Variants in KAT2B observed in about 807,000 individuals in gnomAD.
The protein encoded by KAT2B is lysine acetyltransferase 2B, also known as histone acetyltransferase KAT2B.
A neutral mutation model predicts 105.9 loss-of-function variants in KAT2B; 36 were observed. That is an observed-to-expected ratio of 0.34 (90% CI 0.26 to 0.45). The LOEUF (loss-of-function observed/expected upper bound fraction) is 0.45, where lower values mean the gene tolerates loss of function less well. Among genes scored for constraint, KAT2B ranks in the 20% least tolerant of loss-of-function variants. The probability of loss-of-function intolerance (pLI) is 1.00; values close to 1 mark genes in which losing one functional copy is unlikely to be tolerated. For synonymous variants in KAT2B, 397 were observed against 377.9 expected, an observed-to-expected ratio of 1.05 and a Z score of -0.59; for missense variants, 820 against 1,021.6, an observed-to-expected ratio of 0.80 and a Z score of 2.69.
intron 1 of KAT2B, among the ~76,000 whole-genome samples, chr3:20,065,748 C>CATAT (rs151252906): frequency 6.6e-6 from 1 of 152,088 alleles, no homozygotes; most frequent in South Asian, 2.1e-4. Flanking sequence ...AAGGGATTCT[C>CATAT]ATATATATCA....
At chr3:20,107,428 C>T (rs1475817950) in intron 5 of KAT2B, among the ~76,000 whole-genome samples, 11 of 151,498 alleles carry the variant, frequency 7.3e-5, no homozygotes, top group Admixed American at 5.3e-4. Context: ...GAGGCCAAGG[C>T]GGATGGATCA....
chr3:20,074,810 G>A (rs1461035427), intron 2 of KAT2B, among the ~76,000 whole-genome samples: 1 of 152,138 alleles, frequency 6.6e-6, no homozygotes, highest in African/African-American at 2.4e-5. Flanking sequence ...ATTGGTTCAG[G>A]ATTTAAATAC....
chr3:20,046,950 A>G (rs890917305), intron 1 of KAT2B, among the ~76,000 whole-genome samples: 14 of 151,714 alleles, frequency 9.2e-5, no homozygotes, highest in East Asian at 1.9e-4. Flanking sequence ...GCACAGGACA[A>G]CTCCCCCCAA....
chr3:20,150,608 G>A (rs1254272192), intron 17 of KAT2B, among the ~76,000 whole-genome samples: 1 of 152,170 alleles, frequency 6.6e-6, no homozygotes, highest in Non-Finnish European at 1.5e-5. Flanking sequence ...CCAATATTTA[G>A]TCACCTTTTT....
intron 1 of KAT2B, among the ~76,000 whole-genome samples, chr3:20,055,299 T>C (rs768291648): frequency 1.3e-5 from 2 of 152,192 alleles, no homozygotes; most frequent in Non-Finnish European, 2.9e-5. Context: ...TGTTATTTAA[T>C]GTGCCAGGTG....
At chr3:20,047,584 A>C (rs1400665811) in intron 1 of KAT2B, among the ~76,000 whole-genome samples, 2 of 148,482 alleles carry the variant, frequency 1.3e-5, no homozygotes, top group African/African-American at 4.9e-5. Context: ...CATCCCCGAA[A>C]GTTTCCTCTT....
intron 11 of KAT2B, among the ~76,000 whole-genome samples, chr3:20,130,792 A>G (rs1484734214): frequency 2.0e-5 from 3 of 152,182 alleles, no homozygotes; most frequent in Non-Finnish European, 4.4e-5. Flanking sequence ...TTGAAACTGT[A>G]GTTTTAGAAA....
In KAT2B at chr3:20,116,715, T is replaced by C. The variant is rs546484996; in HGVS notation, c.1150+1727T>C. Among the ~76,000 whole-genome samples, 46 of 152,278 alleles carry C rather than the reference T, an allele frequency of 3.0e-4. 1 individual carries two copies. Among genetic ancestry groups the C allele is most frequent in the African/African-American group, 1.1e-3 (45 of 41,570 alleles). ...TTGTCACAATAATTGATACATTTAT[T>C]AAGTGCTCAGCTAAGATGCTTCCTT... On this transcript the variant is annotated intron_variant, in intron 7 of 17. Transcript: ENST00000263754.
intron 2 of KAT2B, among the ~76,000 whole-genome samples, chr3:20,082,938 A>C (rs1698545716): frequency 6.6e-6 from 1 of 152,170 alleles, no homozygotes; most frequent in Non-Finnish European, 1.5e-5. Context: ...ACAAACAGCC[A>C]GTAGTATGAA....
At chr3:20,068,712 G>A (rs757123069) in intron 1 of KAT2B, among the ~76,000 whole-genome samples, 16 of 152,118 alleles carry the variant, frequency 1.1e-4, no homozygotes, top group Non-Finnish European at 1.9e-4. Flanking sequence ...AAATATTGTT[G>A]AAAGAATGAG....
intron 2 of KAT2B, among the ~76,000 whole-genome samples, chr3:20,078,371 T>C (rs867014909): frequency 6.6e-6 from 1 of 152,108 alleles, no homozygotes; most frequent in Non-Finnish European, 1.5e-5. Flanking sequence ...TAGAGGTTTT[T>C]TGATTATTTT....
chr3:20,128,819 C>T (rs539480827), intron 11 of KAT2B, among the ~76,000 whole-genome samples: 16 of 151,894 alleles, frequency 1.1e-4, no homozygotes, highest in Non-Finnish European at 1.9e-4. Flanking sequence ...ACCAGCCTGA[C>T]CAATGTGGTA....
At chr3:20,149,768 C>A (rs994975215) in intron 17 of KAT2B, among the ~76,000 whole-genome samples, 7 of 152,120 alleles carry the variant, frequency 4.6e-5, no homozygotes, top group African/African-American at 1.4e-4. Context: ...GTATGGTTGA[C>A]TCAGTCTAGA....
At chr3:20,061,119 T>C (rs1306021509) in intron 1 of KAT2B, among the ~76,000 whole-genome samples, 1 of 152,228 alleles carries the variant, frequency 6.6e-6, no homozygotes, top group Non-Finnish European at 1.5e-5. Context: ...TGAAACTCTG[T>C]GTTCATTAAA....
chr3:20,100,744 GT>G (rs1240591399), intron 4 of KAT2B, among the ~76,000 whole-genome samples: 2 of 152,118 alleles, frequency 1.3e-5, no homozygotes, highest in East Asian at 1.9e-4. Flanking sequence ...TAAATTAACA[GT>G]TTTTTTAAAA....
intron 1 of KAT2B, among the ~76,000 whole-genome samples, chr3:20,054,071 T>G (rs1297437683): frequency 6.6e-6 from 1 of 152,210 alleles, no homozygotes; most frequent in African/African-American, 2.4e-5. Context: ...GTGCTGGGAT[T>G]ACAGGCATGA....
intron 1 of KAT2B, among the ~76,000 whole-genome samples, chr3:20,041,501 T>G (rs947079128): frequency 3.3e-4 from 51 of 152,324 alleles, no homozygotes; most frequent in African/African-American, 1.2e-3. Context: ...CTGCTCAGTT[T>G]GAGGACACCC....
At chr3:20,119,332 G>A (rs1400516540) in intron 7 of KAT2B, among the ~76,000 whole-genome samples, 2 of 142,972 alleles carry the variant, frequency 1.4e-5, no homozygotes, top group Non-Finnish European at 1.5e-5. Context: ...TTTCTTTGTT[G>A]GTGTTCTTGA....
chr3:20,106,979 GTATATATATATATA>G lies in KAT2B; in HGVS notation c.852-4593_852-4580del, dbSNP rs869172127. 8.8e-3 allele frequency among the ~76,000 whole-genome samples: 296 copies of G among 33,502 alleles called. 10 individuals are homozygous for G. Among genetic ancestry groups the G allele is most frequent in the African/African-American group, 0.026 (241 of 9,414 alleles). 22.0% of individuals were successfully genotyped at this position (33,502 alleles called of 152,430 possible). Reference sequence around the variant, plus strand: ...TTTATGTGTATATATATATATATATGTATATATATATATATATATATATATATATATATATATTT... The same window carrying G: ...TTTATGTGTATATATATATATATATGTATATATATATATATATATATATTT... On this transcript the variant is annotated intron_variant, in intron 5 of 17. Coordinates refer to ENST00000263754, the MANE Select transcript of KAT2B (RefSeq NM_003884.5).
Sources: gnomAD v4.1 joint callset for allele counts (sites outside exome capture counted in the v4.1 genomes callset) on GRCh38, gnomAD v4.1.1 for gene constraint, MANE v1.5 for transcripts, NCBI Gene and HGNC (gene_info 2026-07-23, HGNC 2026-07-21) for gene names.